The following KCNH8 variants were observed in gnomAD, a reference collection of about 807,000 sequenced individuals.
KCNH8 encodes the protein voltage-gated delayed rectifier potassium channel KCNH8.
Under a neutral mutation model 103.6 loss-of-function variants are expected in KCNH8, and 70 were observed. The ratio of observed to expected loss-of-function variants is 0.68; its 90% CI spans 0.56 to 0.82. The LOEUF is 0.82. Ranked by LOEUF, KCNH8 falls within the 40% of genes least tolerant of loss-of-function variation. The probability of loss-of-function intolerance (pLI) is 0.00; values close to 1 mark genes in which losing one functional copy is unlikely to be tolerated. For missense variants in KCNH8, 1,217 were observed against 1,329.9 expected (o/e 0.92, Z 1.32); for synonymous variants, 498 against 489.4 (o/e 1.02, Z -0.23).
chr3:19,245,041 A>G (rs7610439), intron 1 of KCNH8, among the ~76,000 whole-genome samples: 2 of 152,090 alleles, frequency 1.3e-5, no homozygotes, highest in Non-Finnish European at 2.9e-5. Flanking sequence ...CAAGGCCAAT[A>G]TTGAGAAGGC....
At chr3:19,325,514 A>G (rs1195497357) in intron 3 of KCNH8, among the ~76,000 whole-genome samples, 2 of 152,238 alleles carry the variant, frequency 1.3e-5, no homozygotes, top group African/African-American at 4.8e-5. Context: ...ACCCCATTAA[A>G]AAATGGGCAA....
At chr3:19,461,239 G>T (rs1004234727) in intron 11 of KCNH8, among the ~76,000 whole-genome samples, 1 of 152,090 alleles carries the variant, frequency 6.6e-6, no homozygotes, top group Admixed American at 6.6e-5. Flanking sequence ...TATACTTCCT[G>T]ATGTTTTATC....
At chr3:19,484,221 C>T (rs2068154385) in intron 11 of KCNH8, among the ~76,000 whole-genome samples, 1 of 152,154 alleles carries the variant, frequency 6.6e-6, no homozygotes, top group Admixed American at 6.5e-5. Context: ...TCATAACACA[C>T]ATCTGGCTGG....
intron 12 of KCNH8, among the ~76,000 whole-genome samples, chr3:19,511,438 G>A (rs2068781892): frequency 6.6e-6 from 1 of 152,092 alleles, no homozygotes; most frequent in Admixed American, 6.6e-5. Flanking sequence ...TTGAAACAAA[G>A]GAATGATTAA....
chr3:19,314,624 T>A (rs953945519), intron 3 of KCNH8, among the ~76,000 whole-genome samples: 4 of 151,862 alleles, frequency 2.6e-5, no homozygotes, highest in African/African-American at 9.7e-5. Flanking sequence ...AGTACTTAAC[T>A]CACCCGCTGC....
At chr3:19,351,032 G>C (rs1330598644) in intron 5 of KCNH8, among the ~76,000 whole-genome samples, 3 of 151,978 alleles carry the variant, frequency 2.0e-5, no homozygotes, top group Non-Finnish European at 4.4e-5. Flanking sequence ...GCATAGAGAA[G>C]ACCTTAAATG....
In KCNH8 at chr3:19,513,237, C is replaced by T. The variant is rs774117315; in HGVS notation, c.2347C>T (p.Pro783Ser). 2.5e-6 allele frequency: 4 copies of T among 1,613,726 alleles called. No individual in the cohort carries two copies. The highest frequency in any genetic ancestry group is 2.2e-5 in the South Asian group (2 of 91,048). ...CCCCAAAACCAAGCAGGAAATTGAC[C>T]CCCCCAACCATAATAAAAGGAAAGA... ...NSPKTKQEID[P>S]PNHNKRKEKN... The change falls in exon 13 of 16, where the codon CCC becomes TCC. Residue 783 changes from proline to serine, a missense_variant. Coordinates refer to ENST00000328405, the MANE Select transcript of KCNH8 (RefSeq NM_144633.3).
chr3:19,232,047 A>G (rs1392051992), intron 1 of KCNH8, among the ~76,000 whole-genome samples: 1 of 152,206 alleles, frequency 6.6e-6, no homozygotes, highest in East Asian at 1.9e-4. Flanking sequence ...TGAATTATGC[A>G]TTTGAAATGT....
chr3:19,531,570 G>C (rs2069161779), intron 15 of KCNH8, among the ~76,000 whole-genome samples: 1 of 152,186 alleles, frequency 6.6e-6, no homozygotes, highest in Non-Finnish European at 1.5e-5. Flanking sequence ...AATAGTTTTG[G>C]CCTGGCAATT....
At chr3:19,400,862 C>T (rs1342661291) in intron 7 of KCNH8, among the ~76,000 whole-genome samples, 2 of 151,826 alleles carry the variant, frequency 1.3e-5, no homozygotes, top group African/African-American at 4.8e-5. Context: ...ACTTCAGTAA[C>T]TGCATCGGTT....
intron 5 of KCNH8, among the ~76,000 whole-genome samples, chr3:19,375,798 TTC>T (rs1239890573): frequency 6.6e-6 from 1 of 152,064 alleles, no homozygotes; most frequent in African/African-American, 2.4e-5. Context: ...TGGATGTCCT[TTC>T]TGTTTGTTAG....
chr3:19,304,717 A>T (rs1264439165), intron 3 of KCNH8, among the ~76,000 whole-genome samples: 1 of 152,104 alleles, frequency 6.6e-6, no homozygotes, highest in Non-Finnish European at 1.5e-5. Flanking sequence ...TTACCCTAGA[A>T]TTTTCAGTGA....
At chr3:19,230,962 T>C (rs1219911161) in intron 1 of KCNH8, among the ~76,000 whole-genome samples, 6 of 152,192 alleles carry the variant, frequency 3.9e-5, no homozygotes, top group South Asian at 4.1e-4. Context: ...TTCATCATCA[T>C]GTTAGATATG....
At chr3:19,386,909 C>T (rs902366859) in intron 5 of KCNH8, among the ~76,000 whole-genome samples, 4 of 152,124 alleles carry the variant, frequency 2.6e-5, no homozygotes, top group Non-Finnish European at 5.9e-5. Flanking sequence ...GTGATTCTGT[C>T]ATGAGGGACA....
rs530840621 is a variant in KCNH8, at chr3:19,411,588, T to G, written c.1177+16277T>G. ...GAAGTCAAACTCTCTTTTGGGGAGA[T>G]ATGATTCTACACCTTGAAAACCCTA... On this transcript the variant is annotated intron_variant, in intron 7 of 15. Transcript: ENST00000328405. 2.0e-5 allele frequency among the ~76,000 whole-genome samples: 3 copies of G among 152,040 alleles called. No homozygotes were observed. In the South Asian group the frequency reaches 6.2e-4, roughly 31 times the overall value.
At chr3:19,490,197 T>A (rs949555194) in intron 11 of KCNH8, among the ~76,000 whole-genome samples, 3 of 152,238 alleles carry the variant, frequency 2.0e-5, no homozygotes, top group Admixed American at 6.5e-5. Context: ...CTGTCCGTCC[T>A]TAATCACCTG....
chr3:19,243,196 C>T (rs1198426287), intron 1 of KCNH8, among the ~76,000 whole-genome samples: 2 of 152,166 alleles, frequency 1.3e-5, no homozygotes, highest in Non-Finnish European at 2.9e-5. Context: ...TTCCTTCTTA[C>T]TACTCATCTC....
intron 7 of KCNH8, among the ~76,000 whole-genome samples, chr3:19,432,469 G>A (rs909427597): frequency 1.3e-5 from 2 of 152,146 alleles, no homozygotes; most frequent in African/African-American, 2.4e-5. Context: ...GATTATTAAT[G>A]TGAACTTTAG....
intron 1 of KCNH8, among the ~76,000 whole-genome samples, chr3:19,246,512 T>C (rs988679782): frequency 2.6e-5 from 4 of 152,038 alleles, no homozygotes; most frequent in African/African-American, 7.2e-5. Flanking sequence ...CTTGACCTCA[T>C]GATCCGCCTG....
Sources: allele counts gnomAD v4.1 joint callset (sites outside exome capture counted in the v4.1 genomes callset), GRCh38; gene constraint gnomAD v4.1.1; transcripts MANE v1.5; gene names NCBI Gene and HGNC (gene_info 2026-07-23, HGNC 2026-07-21).